The following PIK3CB variants were observed in gnomAD, a reference collection of about 807,000 sequenced individuals.
PIK3CB encodes the protein phosphatidylinositol-4,5-bisphosphate 3-kinase catalytic subunit beta.
PIK3CB carries 39 observed loss-of-function variants against 136.8 expected under a neutral mutation model. That is an observed-to-expected ratio of 0.29 (90% CI 0.22 to 0.37). The LOEUF is 0.37. Ranked by LOEUF, PIK3CB falls within the 10% of genes least tolerant of loss-of-function variation. The pLI, the probability that PIK3CB is intolerant of heterozygous loss-of-function variation, is 1.00. For synonymous variants in PIK3CB, 428 were observed against 436.6 expected (o/e 0.98, Z 0.25); for missense variants, 868 against 1,275.4 (o/e 0.68, Z 4.87).
At chr3:138,677,130 G>T (rs112387155) in intron 19 of PIK3CB, among the ~76,000 whole-genome samples, 4,571 of 148,274 alleles carry the variant, frequency 0.031, 236 homozygotes, top group African/African-American at 0.11. Flanking sequence ...TGCCATCTCC[G>T]CTCACTGCAA....
At chr3:138,683,897 T>G (rs2043831008) in intron 17 of PIK3CB, 110 bp from the exon 18 acceptor site, 1 of 663,218 alleles carries the variant, frequency 1.5e-6, no homozygotes, top group Non-Finnish European at 2.7e-6. Flanking sequence ...TCCTGTCAGG[T>G]CTGCAGAAGA....
At chr3:138,680,878 G>A (rs1174373818) in intron 19 of PIK3CB, among the ~76,000 whole-genome samples, 1 of 151,734 alleles carries the variant, frequency 6.6e-6, no homozygotes, top group African/African-American at 2.4e-5. Context: ...TAGTAGAGCT[G>A]GGTTTCACCA....
At chr3:138,790,117 C>CA (rs2108812203) in intron 2 of PIK3CB, among the ~76,000 whole-genome samples, 1 of 152,206 alleles carries the variant, frequency 6.6e-6, no homozygotes, top group South Asian at 2.1e-4. Context: ...TTATACAAGG[C>CA]ATCTGAAGCA....
intron 8 of PIK3CB, among the ~76,000 whole-genome samples, chr3:138,722,440 T>C (rs1039957300): frequency 6.6e-6 from 1 of 152,136 alleles, no homozygotes; most frequent in African/African-American, 2.4e-5. Context: ...ACCTTTTTAA[T>C]ATGGCATTTA....
chr3:138,762,421 T>C (rs2045675227), intron 2 of PIK3CB, among the ~76,000 whole-genome samples: 1 of 152,232 alleles, frequency 6.6e-6, no homozygotes, highest in Admixed American at 6.5e-5. Context: ...TTTAAAGTAC[T>C]GTTTCTCACC....
At chr3:138,742,112 A>G (rs141271030) in intron 5 of PIK3CB, among the ~76,000 whole-genome samples, 4 of 152,330 alleles carry the variant, frequency 2.6e-5, no homozygotes, top group African/African-American at 9.6e-5. Context: ...TCACATGAGA[A>G]AAAAATATTT....
intron 1 of PIK3CB, among the ~76,000 whole-genome samples, chr3:138,803,286 C>G (rs1345928926): frequency 2.6e-5 from 4 of 152,176 alleles, no homozygotes; most frequent in Non-Finnish European, 5.9e-5. Flanking sequence ...TAAGAAAGAA[C>G]ATAAATAAGT....
intron 16 of PIK3CB, 89 bp from the exon 17 acceptor site, chr3:138,684,892 C>T: frequency 2.4e-6 from 2 of 836,080 alleles, no homozygotes. Context: ...CACCTGCTCC[C>T]AACATATACA....
At chr3:138,728,915 C>G (rs973808752) in intron 8 of PIK3CB, among the ~76,000 whole-genome samples, 2 of 151,924 alleles carry the variant, frequency 1.3e-5, no homozygotes, top group East Asian at 3.8e-4. Context: ...TAAGGGGCAT[C>G]TATGAAAAAA....
chr3:138,745,259 G>C (rs956036557), intron 4 of PIK3CB, among the ~76,000 whole-genome samples: 4 of 152,082 alleles, frequency 2.6e-5, no homozygotes, highest in African/African-American at 9.7e-5. Context: ...TCACTTTGAG[G>C]CTTTCAGTGT....
intron 2 of PIK3CB, among the ~76,000 whole-genome samples, chr3:138,760,068 C>G (rs1395706573): frequency 6.6e-6 from 1 of 152,074 alleles, no homozygotes; most frequent in African/African-American, 2.4e-5. Flanking sequence ...ACTACAGGCG[C>G]CTGCCACCAT....
At chr3:138,701,813 A>C (rs2044260571) in intron 12 of PIK3CB, among the ~76,000 whole-genome samples, 1 of 150,790 alleles carries the variant, frequency 6.6e-6, no homozygotes, top group Admixed American at 6.6e-5. Flanking sequence ...AAAAAGAAAA[A>C]TCTAATAGAT....
At chr3:138,699,223 TAAAA>T (rs55874901) in intron 12 of PIK3CB, 128 bp from the exon 13 acceptor site, 37 of 249,236 alleles carry the variant, frequency 1.5e-4, no homozygotes, top group East Asian at 3.9e-4. Context: ...TATAATTCCA[TAAAA>T]AAAAAAAAAA....
At chr3:138,825,823 G>A in intron 1 of PIK3CB, 1 of 1,090,282 alleles carries the variant, frequency 9.2e-7, no homozygotes, top group African/African-American at 1.5e-5. Context: ...CTGTTGAAAT[G>A]CACCATGAAG....
At chr3:138,824,517 G>C (rs911334455) in intron 1 of PIK3CB, among the ~76,000 whole-genome samples, 6 of 151,958 alleles carry the variant, frequency 3.9e-5, no homozygotes, top group Non-Finnish European at 7.4e-5. Context: ...AGATATGGCC[G>C]GGCGCGGTGG....
chr3:138,814,475 C>CAAA (rs371449651), intron 1 of PIK3CB, among the ~76,000 whole-genome samples: 1 of 88,112 alleles, frequency 1.1e-5, no homozygotes, highest in Non-Finnish European at 2.4e-5. Context: ...GAGACCATCT[C>CAAA]AAAAAAAAAA....
At chr3:138,768,991 G>A (rs1293199147) in intron 2 of PIK3CB, among the ~76,000 whole-genome samples, 1 of 152,146 alleles carries the variant, frequency 6.6e-6, no homozygotes, top group African/African-American at 2.4e-5. Context: ...GGGCTGGGGG[G>A]CCAATGGCAA....
rs912490737 is a variant in PIK3CB at position 138,698,992 on chromosome 3, C to T, written c.1685G>A (p.Arg562Gln). The T allele has an allele frequency of 8.7e-6, 14 of 1,607,208 alleles. No individual in the cohort carries two copies. Among genetic ancestry groups the T allele is most frequent in the East Asian group, 4.5e-5 (2 of 44,756 alleles). The change falls in exon 13 of 24, where the codon CGA becomes CAA. Residue 562 changes from arginine to glutamine, a missense_variant. Physicochemically the swap from Arg to Gln is conservative, Grantham distance 43 (BLOSUM62 1). Coordinates refer to ENST00000674063, the MANE Select transcript of PIK3CB (RefSeq NM_006219.3). ...ENEMDLIWTL[R>Q]QDCREIFPQS... Reference sequence around the variant, plus strand: ...TGGGAAAATCTCTCGGCAGTCTTGTCGCAAAGTCCAAATAAGATCCATTTC... The same window carrying T: ...TGGGAAAATCTCTCGGCAGTCTTGTTGCAAAGTCCAAATAAGATCCATTTC...
intron 9 of PIK3CB, among the ~76,000 whole-genome samples, 151 bp downstream of exon 9, chr3:138,714,315 GAT>G (rs1408117609): frequency 6.6e-6 from 1 of 152,028 alleles, no homozygotes; most frequent in Non-Finnish European, 1.5e-5. Context: ...TAAATCTAAA[GAT>G]ATAAACATGG....
Sources: gnomAD v4.1 joint callset for allele counts (sites outside exome capture counted in the v4.1 genomes callset) on GRCh38, gnomAD v4.1.1 for gene constraint, MANE v1.5 for transcripts, NCBI Gene and HGNC (gene_info 2026-07-23, HGNC 2026-07-21) for gene names.